The following STK33 variants were observed in gnomAD, a reference collection of about 807,000 sequenced individuals.
STK33 encodes serine/threonine kinase 33, also known as serine/threonine-protein kinase 33.
STK33 carries 52 observed loss-of-function variants against 58.0 expected under a neutral mutation model. The ratio of observed to expected loss-of-function variants is 0.90; its 90% CI spans 0.72 to 1.13. The LOEUF (loss-of-function observed/expected upper bound fraction) is 1.13. STK33 is among the 50% of genes most tolerant of loss of function. The pLI, the probability that STK33 is intolerant of heterozygous loss-of-function variation, is 0.00. For synonymous variants in STK33, 215 were observed against 200.1 expected (o/e 1.07, Z -0.63); for missense variants, 630 against 604.2 (o/e 1.04, Z -0.45).
chr11:8,545,676 T>C (rs1039790452), intron 1 of STK33, among the ~76,000 whole-genome samples: 2 of 152,328 alleles, frequency 1.3e-5, no homozygotes, highest in African/African-American at 4.8e-5. Context: ...TCACAGGCTT[T>C]GGTCTCAAGA....
chr11:8,360,417 T>C, the STK33 span, among the ~76,000 whole-genome samples: 6 of 152,358 alleles, frequency 3.9e-5, no homozygotes, highest in Non-Finnish European at 5.9e-5. Flanking sequence ...CAGGTCCACA[T>C]TGTCACTTCC....
At chr11:8,552,301 T>C (rs1956355268) in intron 1 of STK33, among the ~76,000 whole-genome samples, 1 of 152,184 alleles carries the variant, frequency 6.6e-6, no homozygotes, top group African/African-American at 2.4e-5. Context: ...CTCCTCCAAG[T>C]TCTGGTATAT....
rs117018678 is a variant in STK33, at chr11:8,525,369, G to C, written c.-465-44755C>G. ...ATCAGCTATCAGCACTTACTTAGCT[G>C]TATTAGCACATATAGTATTGGTTTA... is the stretch of plus-strand genomic sequence containing the variant. On this transcript the variant is annotated intron_variant, in intron 1 of 15. Coordinates refer to ENST00000687296, the MANE Select transcript of STK33 (RefSeq NM_001352389.2). Among the ~76,000 whole-genome samples, 349 of 152,336 alleles carry C rather than the reference G, an allele frequency of 2.3e-3. 3 individuals are homozygous for C. Among genetic ancestry groups the C allele is most frequent in the Non-Finnish European group, 4.4e-3 (302 of 68,016 alleles).
chr11:8,561,178 TTTTA>T (rs1957087891), intron 1 of STK33, among the ~76,000 whole-genome samples: 1 of 152,116 alleles, frequency 6.6e-6, no homozygotes, highest in African/African-American at 2.4e-5. Flanking sequence ...CCCAAGTTCT[TTTTA>T]TTTATCACTT....
chr11:8,474,798 T>C lies in STK33; in HGVS notation c.108A>G (p.Pro36=). The C allele has an allele frequency of 1.2e-6, 2 of 1,613,496 alleles. No homozygotes were observed. Residue 36 remains proline, a synonymous_variant, in exon 5 of 16, where the codon CCA becomes CCG. Transcript: ENST00000687296. ...TCTGTGACATTTCCACCACCAAAAC[T>C]GGAGGAACCCTTGTTTTGCTGGAAC... ...CVCSSKTRVP[P]VLVVEMSQTS...
At chr11:8,422,431 G>T (rs10840042) in intron 14 of STK33, among the ~76,000 whole-genome samples, 78,524 of 151,876 alleles carry the variant, frequency 0.52, 20,889 homozygotes, top group South Asian at 0.65. Context: ...TCACAATGTC[G>T]TGGTATAGTT....
intron 1 of STK33, among the ~76,000 whole-genome samples, chr11:8,483,972 T>G (rs1274225410): frequency 1.3e-5 from 2 of 152,232 alleles, no homozygotes; most frequent in Non-Finnish European, 2.9e-5. Flanking sequence ...AGAACATGAA[T>G]GTTCTACCAT....
intron 11 of STK33, among the ~76,000 whole-genome samples, chr11:8,448,364 G>A (rs1368741946): frequency 3.9e-5 from 6 of 152,150 alleles, no homozygotes; most frequent in East Asian, 1.9e-4. Flanking sequence ...GAGGCATCAC[G>A]CTACCTGACT....
chr11:8,496,116 AAG>A (rs1333746882), intron 1 of STK33, among the ~76,000 whole-genome samples: 2 of 150,060 alleles, frequency 1.3e-5, no homozygotes, highest in African/African-American at 5.1e-5. Context: ...TTTTTTGAAA[AAG>A]AAAAGAAAAA....
At chr11:8,456,929 A>T (rs1165304066) in intron 9 of STK33, among the ~76,000 whole-genome samples, 7 of 152,188 alleles carry the variant, frequency 4.6e-5, no homozygotes, top group African/African-American at 1.4e-4. Flanking sequence ...GCAGGGGAGT[A>T]TATAGAAAAT....
chr11:8,401,845 G>T (rs1938046041), intron 15 of STK33, among the ~76,000 whole-genome samples: 1 of 152,140 alleles, frequency 6.6e-6, no homozygotes, highest in African/African-American at 2.4e-5. Flanking sequence ...CATTTACGCA[G>T]CCAAAAGACA....
chr11:8,379,051 C>T, the STK33 span, among the ~76,000 whole-genome samples: 1 of 152,102 alleles, frequency 6.6e-6, no homozygotes, highest in Non-Finnish European at 1.5e-5. Flanking sequence ...GGAAAGGAGA[C>T]CCTATCTAAT....
chr11:8,338,440 G>C, the STK33 span, among the ~76,000 whole-genome samples: 1 of 152,146 alleles, frequency 6.6e-6, no homozygotes, highest in East Asian at 1.9e-4. Context: ...CAGTTATCAG[G>C]AACAGGCCCC....
intron 14 of STK33, 132 bp downstream of exon 14, chr11:8,435,362 C>T (rs1400417398): frequency 1.8e-5 from 8 of 450,582 alleles, no homozygotes; most frequent in Admixed American, 1.3e-4. Context: ...TGTCAAGACT[C>T]AATGTTTTTT....
intron 15 of STK33, among the ~76,000 whole-genome samples, chr11:8,405,273 G>A (rs147259821): frequency 8.5e-5 from 13 of 152,228 alleles, no homozygotes; most frequent in East Asian, 1.9e-4. Flanking sequence ...AATTTTGGCC[G>A]TTCTAGAAAG....
intron 1 of STK33, among the ~76,000 whole-genome samples, chr11:8,522,948 C>T (rs1229414990): frequency 6.6e-6 from 1 of 152,174 alleles, no homozygotes; most frequent in Non-Finnish European, 1.5e-5. Context: ...CGCGCCACCA[C>T]GCCTGACTGG....
intron 14 of STK33, among the ~76,000 whole-genome samples, chr11:8,428,361 T>C (rs1943026046): frequency 6.6e-6 from 1 of 152,212 alleles, no homozygotes; most frequent in Non-Finnish European, 1.5e-5. Context: ...CCGGGTTGTT[T>C]TGTGTTTCTA....
At chr11:8,346,103 G>A in the STK33 span, among the ~76,000 whole-genome samples, 13 of 152,228 alleles carry the variant, frequency 8.5e-5, no homozygotes, top group African/African-American at 3.1e-4. Flanking sequence ...TCTCGCAGGT[G>A]TGACCAGGCT....
downstream of STK33, chr11:8,391,822 C>T (rs1590669337): frequency 2.0e-5 from 3 of 152,666 alleles, no homozygotes; most frequent in African/African-American, 7.2e-5. Flanking sequence ...TGCATAAAGG[C>T]TTAGAGGACC....
Sources: allele counts gnomAD v4.1 joint callset (sites outside exome capture counted in the v4.1 genomes callset), GRCh38; gene constraint gnomAD v4.1.1; transcripts MANE v1.5; gene names NCBI Gene and HGNC (gene_info 2026-07-23, HGNC 2026-07-21).